PTPRD: variants seen among roughly 807,000 people sequenced by gnomAD.
The protein encoded by PTPRD is protein tyrosine phosphatase receptor type D.
A neutral mutation model predicts 214.5 loss-of-function variants in PTPRD; 34 were observed. The observed-to-expected ratio is 0.16, with a 90% confidence interval of 0.12 to 0.21. The LOEUF (loss-of-function observed/expected upper bound fraction) is 0.21. Ranked by LOEUF, PTPRD falls within the 10% of genes least tolerant of loss-of-function variation. The pLI is 1.00. For synonymous variants in PTPRD, 1,128 were observed against 845.7 expected (o/e 1.33, Z -5.79); for missense variants, 2,545 against 2,398.7 (o/e 1.06, Z -1.27).
At chr9:8,822,626 T>C (rs1167513623) in intron 11 of PTPRD, among the ~76,000 whole-genome samples, 2 of 152,188 alleles carry the variant, frequency 1.3e-5, no homozygotes, top group African/African-American at 4.8e-5. Flanking sequence ...ACAGTATCAA[T>C]AACAATATTA....
chr9:9,472,483 G>A (rs2094688658), intron 8 of PTPRD, among the ~76,000 whole-genome samples: 3 of 152,004 alleles, frequency 2.0e-5, no homozygotes, highest in East Asian at 3.9e-4. Context: ...GATTACAGGC[G>A]TGAGCCACCA....
At chr9:9,006,020 T>C (rs954700981) in intron 11 of PTPRD, among the ~76,000 whole-genome samples, 16 of 152,054 alleles carry the variant, frequency 1.1e-4, no homozygotes, top group African/African-American at 3.9e-4. Context: ...TAAATTTTCT[T>C]ATCATAAATT....
chr9:9,775,715 G>A (rs905180013), intron 5 of PTPRD, among the ~76,000 whole-genome samples: 12 of 152,030 alleles, frequency 7.9e-5, no homozygotes, highest in East Asian at 3.9e-4. Flanking sequence ...AGGCCAAGGC[G>A]GGTGGATCAC....
chr9:9,133,481 T>C (rs2099845979), intron 10 of PTPRD, among the ~76,000 whole-genome samples: 1 of 152,140 alleles, frequency 6.6e-6, no homozygotes, highest in African/African-American at 2.4e-5. Context: ...TTAGAGTGTA[T>C]ACACTGAAAG....
intron 44 of PTPRD, among the ~76,000 whole-genome samples, chr9:8,320,905 G>T (rs1360787835): frequency 1.3e-5 from 2 of 152,036 alleles, no homozygotes; most frequent in African/African-American, 4.8e-5. Context: ...CTGCATTTTT[G>T]GATCCTAATT....
intron 11 of PTPRD, among the ~76,000 whole-genome samples, chr9:8,845,492 C>T (rs1056575372): frequency 8.5e-5 from 13 of 152,218 alleles, no homozygotes; most frequent in Admixed American, 7.2e-4. Flanking sequence ...ATAGGAAATA[C>T]AAGCCATCAA....
At chr9:9,534,635 G>T (rs995188126) in intron 8 of PTPRD, among the ~76,000 whole-genome samples, 3 of 151,952 alleles carry the variant, frequency 2.0e-5, no homozygotes, top group Non-Finnish European at 4.4e-5. Context: ...CTTTGCCCAG[G>T]AATAACGCTT....
At chr9:9,862,101 A>G (rs971222840) in intron 5 of PTPRD, among the ~76,000 whole-genome samples, 3 of 152,078 alleles carry the variant, frequency 2.0e-5, no homozygotes, top group Non-Finnish European at 2.9e-5. Context: ...AACTCTCCCT[A>G]TATATTACAA....
rs551431372 is a variant in PTPRD, at chr9:8,949,024, G to C, written c.-104+69673C>G. 3.3e-5 allele frequency among the ~76,000 whole-genome samples: 5 copies of C among 151,992 alleles called. No individual in the cohort carries two copies. The East Asian group carries it at 7.8e-4, about 24-fold the overall frequency. On this transcript the variant is annotated intron_variant, in intron 11 of 45. Transcript: ENST00000381196. ...AGATCACCTGAGTTTAGGAGTTTGA[G>C]ACCAGCCTGACTAACATGGTGAAAC...
intron 4 of PTPRD, among the ~76,000 whole-genome samples, chr9:9,971,190 A>G (rs914224746): frequency 6.6e-6 from 1 of 152,340 alleles, no homozygotes; most frequent in Admixed American, 6.5e-5. Flanking sequence ...AATTAAAAAA[A>G]TAAAAACATC....
At chr9:9,669,916 G>A (rs944491824) in intron 7 of PTPRD, among the ~76,000 whole-genome samples, 1 of 152,116 alleles carries the variant, frequency 6.6e-6, no homozygotes. Flanking sequence ...ATCAACGACT[G>A]TAAAGTTATT....
At chr9:8,946,821 C>T (rs1169910905) in intron 11 of PTPRD, among the ~76,000 whole-genome samples, 1 of 151,656 alleles carries the variant, frequency 6.6e-6, no homozygotes, top group Admixed American at 6.6e-5. Flanking sequence ...CCTTTTTTTC[C>T]CCCCATAATT....
chr9:8,881,877 T>A (rs1456735259), intron 11 of PTPRD, among the ~76,000 whole-genome samples: 2 of 152,226 alleles, frequency 1.3e-5, no homozygotes, highest in Non-Finnish European at 2.9e-5. Context: ...GGATTCTTAA[T>A]GAGCTTCTTC....
rs142761814 is a variant in PTPRD, at chr9:8,814,441, G to A, written c.-103-80495C>T. On this transcript the variant is annotated intron_variant, in intron 11 of 45. Coordinates refer to ENST00000381196, the MANE Select transcript of PTPRD (RefSeq NM_002839.4). The stretch of plus-strand genomic sequence containing the variant: ...ACAGAAGGAATGTTCAGGAAACCAG[G>A]GGCGGCTGCAAACCTGAAGCTGAGA... 3.9e-3 allele frequency among the ~76,000 whole-genome samples: 586 copies of A among 152,182 alleles called. 6 individuals are homozygous for A. Among genetic ancestry groups the A allele is most frequent in the African/African-American group, 0.014 (562 of 41,518 alleles).
At chr9:10,608,134 T>C (rs1343893001) in intron 2 of PTPRD, among the ~76,000 whole-genome samples, 1 of 152,018 alleles carries the variant, frequency 6.6e-6, no homozygotes, top group Non-Finnish European at 1.5e-5. Context: ...AGGAATAATA[T>C]ATATTTATTT....
At chr9:8,990,816 G>A (rs2099363404) in intron 11 of PTPRD, among the ~76,000 whole-genome samples, 1 of 152,182 alleles carries the variant, frequency 6.6e-6, no homozygotes, top group South Asian at 2.1e-4. Context: ...GAACAGAGAA[G>A]CCTTTCTGGG....
At chr9:8,537,241 A>G (rs531612665) in intron 14 of PTPRD, among the ~76,000 whole-genome samples, 54 of 152,134 alleles carry the variant, frequency 3.5e-4, no homozygotes, top group African/African-American at 1.2e-3. Context: ...CTCTTGGGCC[A>G]TTATCGAAAT....
chr9:8,429,398 T>C (rs902984562), intron 35 of PTPRD, among the ~76,000 whole-genome samples: 1 of 152,198 alleles, frequency 6.6e-6, no homozygotes, highest in Admixed American at 6.5e-5. Flanking sequence ...CTCTGTGGTT[T>C]AGACAGCTCT....
intron 3 of PTPRD, among the ~76,000 whole-genome samples, chr9:10,041,580 G>C (rs975807251): frequency 6.6e-6 from 1 of 151,474 alleles, no homozygotes; most frequent in African/African-American, 2.4e-5. Flanking sequence ...CAATTACCTT[G>C]TTATATTAGA....
Sources: allele counts gnomAD v4.1 joint callset (sites outside exome capture counted in the v4.1 genomes callset), GRCh38; gene constraint gnomAD v4.1.1; transcripts MANE v1.5; gene names NCBI Gene and HGNC (gene_info 2026-07-23, HGNC 2026-07-21).